The following PHF10 variants were observed in gnomAD, a reference collection of about 807,000 sequenced individuals.
The protein encoded by PHF10 is BRG1-associated factor 45a.
PHF10 carries 51 observed loss-of-function variants against 68.5 expected under a neutral mutation model. The ratio of observed to expected loss-of-function variants is 0.74; its 90% CI spans 0.59 to 0.94. The LOEUF (loss-of-function observed/expected upper bound fraction) is 0.94, where lower values mean the gene tolerates loss of function less well. PHF10 is among the 40% of genes least tolerant of loss of function. The pLI is 0.00. For synonymous variants in PHF10, 204 were observed against 203.5 expected (o/e 1.00, Z -0.02); for missense variants, 460 against 602.6 (o/e 0.76, Z 2.48).
intron 9 of PHF10, 113 bp from the exon 10 acceptor site, chr6:169,705,837 G>A (rs1788766320): frequency 1.5e-6 from 1 of 668,734 alleles, no homozygotes; most frequent in African/African-American, 1.8e-5. Context: ...TGCTAATGAG[G>A]ACCATTTTGA....
chr6:169,719,207 G>T, intron 2 of PHF10: 1 of 236,350 alleles, frequency 4.2e-6, no homozygotes, highest in Non-Finnish European at 8.3e-6. Flanking sequence ...GACCTATGAG[G>T]GCAAAGCAAG....
intron 1 of PHF10, among the ~76,000 whole-genome samples, chr6:169,723,368 C>T (rs1196770318): frequency 2.6e-5 from 4 of 152,216 alleles, no homozygotes; most frequent in Non-Finnish European, 4.4e-5. Flanking sequence ...CGGACGCTTG[C>T]GTATTAACTT....
intron 1 of PHF10, among the ~76,000 whole-genome samples, chr6:169,721,664 G>A (rs866065960): frequency 6.6e-6 from 1 of 150,572 alleles, no homozygotes; most frequent in African/African-American, 2.5e-5. Flanking sequence ...AAGCTTGAGA[G>A]GGGGAGGGGA....
intron 4 of PHF10, chr6:169,717,599 C>G: frequency 2.3e-6 from 1 of 434,396 alleles, no homozygotes. Context: ...TGCTTTCACA[C>G]CATCATGAAG....
At chr6:169,714,450 C>T (rs547083916) in intron 7 of PHF10, among the ~76,000 whole-genome samples, 3 of 152,326 alleles carry the variant, frequency 2.0e-5, no homozygotes, top group South Asian at 4.1e-4. Flanking sequence ...GACCACGGAA[C>T]ATACCCTGAG....
intron 8 of PHF10, among the ~76,000 whole-genome samples, chr6:169,712,023 G>A (rs75830361): frequency 0.018 from 2,754 of 152,162 alleles, 33 homozygotes; most frequent in Middle Eastern, 0.095. Context: ...ATAAGATTAA[G>A]CAAATGCACT....
chr6:169,710,475 A>G lies in PHF10; in HGVS notation c.958-84T>C. ...ATTTTGAAAACTATGGAAAATATTCAAAGAAAGTTTTAAAGCTTTATCATT... is the reference window on the plus strand; with the variant it reads ...ATTTTGAAAACTATGGAAAATATTCGAAGAAAGTTTTAAAGCTTTATCATT... On this transcript the variant is annotated intron_variant, in intron 8 of 11. Transcript: ENST00000339209. The G allele has an allele frequency of 7.2e-6, 7 of 971,908 alleles. No homozygotes were observed. The South Asian group carries it at 1.0e-4, about 14-fold the overall frequency. The allele number at this position is 971,908 out of a possible 1,614,324, so 60.2% of individuals were successfully genotyped here.
intron 11 of PHF10, 64 bp downstream of exon 11, chr6:169,705,069 C>CT: frequency 7.8e-7 from 1 of 1,275,828 alleles, no homozygotes; most frequent in South Asian, 1.5e-5. Flanking sequence ...TTTATGCAGC[C>CT]TTTTGGAGTG....
intron 11 of PHF10, 105 bp downstream of exon 11, chr6:169,705,028 G>A: frequency 1.3e-6 from 1 of 754,132 alleles, no homozygotes. Context: ...TTGCACATAA[G>A]AGTCCACAAG....
intron 2 of PHF10, among the ~76,000 whole-genome samples, chr6:169,719,754 A>G (rs986947561): frequency 2.6e-5 from 4 of 152,140 alleles, no homozygotes; most frequent in Non-Finnish European, 5.9e-5. Flanking sequence ...ATCTTTCACA[A>G]CCTTGGATTT....
intron 9 of PHF10, chr6:169,706,894 A>G (rs2128328911): frequency 6.6e-6 from 1 of 152,284 alleles, no homozygotes; most frequent in East Asian, 1.9e-4. Flanking sequence ...GAACCTAAAC[A>G]AAACTCAAAC....
chr6:169,705,381 A>T, intron 10 of PHF10, 60 bp from the exon 11 acceptor site: 1 of 1,174,206 alleles, frequency 8.5e-7, no homozygotes, highest in Non-Finnish European at 1.2e-6. Context: ...AATATGGCAC[A>T]TAAAATACTA....
At chr6:169,721,830 A>G (rs1789185910) in intron 1 of PHF10, among the ~76,000 whole-genome samples, 1 of 152,278 alleles carries the variant, frequency 6.6e-6, no homozygotes, top group African/African-American at 2.4e-5. Context: ...TCTAAAAATC[A>G]TAATTTTTTA....
rs1789041380 is a variant in PHF10, at chr6:169,716,106, A to G, written c.410-18T>C. On this transcript the variant is annotated intron_variant, in intron 4 of 11. Transcript: ENST00000339209. Reference sequence around the variant, plus strand: ...TGTTAAGCCTATTTTAGACCAAAAAATAAAAAAATAAAGAAGCTCTTTTAA... The same window carrying G: ...TGTTAAGCCTATTTTAGACCAAAAAGTAAAAAAATAAAGAAGCTCTTTTAA... 6.0e-6 allele frequency: 9 copies of G among 1,511,576 alleles called. No individual in the cohort carries two copies. The highest frequency in any genetic ancestry group is 8.0e-6 in the Non-Finnish European group (9 of 1,124,118). 93.6% of individuals were successfully genotyped at this position (1,511,576 alleles called of 1,614,324 possible).
rs1788757417 is a variant in PHF10 at position 169,705,649 on chromosome 6, A to G, written c.1189T>C (p.Ser397Pro). ...KESNKKGKAE[S>P]LIHCSQCENS... ...TCACATTGGGAGCAGTGTATAAGTG[A>G]TTCAGCCTTTCCTTTCTTGTTGGAC... The change falls in exon 10 of 12, where the codon TCA becomes CCA. Residue 397 changes from serine (S) to proline (P), a missense_variant. Coordinates refer to ENST00000339209, the MANE Select transcript of PHF10 (RefSeq NM_018288.4). The G allele has an allele frequency of 1.5e-5, 24 of 1,556,594 alleles. No homozygotes were observed. Among genetic ancestry groups the G allele is most frequent in the Non-Finnish European group, 2.1e-5 (24 of 1,127,852 alleles).
At chr6:169,714,219 A>C (rs1268815772) in intron 7 of PHF10, among the ~76,000 whole-genome samples, 1 of 152,124 alleles carries the variant, frequency 6.6e-6, no homozygotes, top group African/African-American at 2.4e-5. Context: ...AGCAGCAGCC[A>C]GGCCAGGTCA....
intron 4 of PHF10, among the ~76,000 whole-genome samples, chr6:169,717,588 T>C (rs1402497938): frequency 6.6e-6 from 1 of 152,220 alleles, no homozygotes; most frequent in Non-Finnish European, 1.5e-5. Context: ...TGAATATGCA[T>C]TGCTTTCACA....
At chr6:169,713,263 G>C (rs950545894) in intron 7 of PHF10, among the ~76,000 whole-genome samples, 1 of 152,128 alleles carries the variant, frequency 6.6e-6, no homozygotes, top group Non-Finnish European at 1.5e-5. Flanking sequence ...TAATATACTT[G>C]CATATGACTT....
At chr6:169,723,686 G>C (rs933358660) in intron 1 of PHF10, among the ~76,000 whole-genome samples, 159 bp downstream of exon 1, 10 of 151,654 alleles carry the variant, frequency 6.6e-5, no homozygotes, top group African/African-American at 2.4e-5. Flanking sequence ...GGCTCACCTC[G>C]GGGCCCCGCC....
Sources: allele counts gnomAD v4.1 joint callset (sites outside exome capture counted in the v4.1 genomes callset), GRCh38; gene constraint gnomAD v4.1.1; transcripts MANE v1.5; gene names NCBI Gene and HGNC (gene_info 2026-07-23, HGNC 2026-07-21).